MCTP1: variants seen among roughly 807,000 people sequenced by gnomAD.
MCTP1 encodes multiple C2 and transmembrane domain containing 1, also known as multiple C2 and transmembrane domain-containing protein 1.
Under a neutral mutation model 120.6 loss-of-function variants are expected in MCTP1, and 69 were observed. The observed-to-expected ratio is 0.57, with a 90% CI of 0.47 to 0.70. MCTP1 has a LOEUF of 0.70. Among genes scored for constraint, MCTP1 ranks in the 30% least tolerant of loss-of-function variants. MCTP1 has a pLI of 0.00. For missense variants in MCTP1, 1,203 were observed against 1,248.8 expected, an observed-to-expected ratio of 0.96 and a Z score of 0.55; for synonymous variants, 529 against 493.1, an observed-to-expected ratio of 1.07 and a Z score of -0.96.
intron 2 of MCTP1, among the ~76,000 whole-genome samples, chr5:94,966,319 A>C (rs1298857516): frequency 6.6e-6 from 1 of 152,172 alleles, no homozygotes; most frequent in Non-Finnish European, 1.5e-5. Context: ...TACTGTGTGA[A>C]AGTATTAAGC....
At chr5:95,130,280 C>T (rs1582316091) in intron 1 of MCTP1, among the ~76,000 whole-genome samples, 1 of 152,156 alleles carries the variant, frequency 6.6e-6, no homozygotes, top group African/African-American at 2.4e-5. Context: ...AAACGTGTCT[C>T]CTATCTCCTA....
intron 17 of MCTP1, chr5:94,826,119 T>C: frequency 2.9e-6 from 1 of 347,840 alleles, no homozygotes; most frequent in South Asian, 3.1e-5. Flanking sequence ...ACAGTACAGA[T>C]CTCATGAATC....
At chr5:95,111,254 A>G (rs1314692031) in intron 1 of MCTP1, among the ~76,000 whole-genome samples, 1 of 152,188 alleles carries the variant, frequency 6.6e-6, no homozygotes, top group African/African-American at 2.4e-5. Flanking sequence ...TTTGTAGTTT[A>G]TCATAACTAG....
chr5:94,924,472 CA>C (rs1257054095), intron 6 of MCTP1, among the ~76,000 whole-genome samples: 2 of 152,032 alleles, frequency 1.3e-5, no homozygotes, highest in Non-Finnish European at 2.9e-5. Context: ...TACATTTCTA[CA>C]AAAAATTCCA....
intron 12 of MCTP1, chr5:94,877,680 G>A (rs1488728316): frequency 1.3e-5 from 2 of 152,064 alleles, no homozygotes; most frequent in African/African-American, 4.8e-5. Flanking sequence ...TCACGACACT[G>A]ACATATTGAT....
chr5:95,172,033 T>C (rs563573152), intron 1 of MCTP1, among the ~76,000 whole-genome samples: 126 of 152,356 alleles, frequency 8.3e-4, no homozygotes, highest in Admixed American at 1.3e-3. Flanking sequence ...TCCCCATCTT[T>C]GTAGTTTTAT....
At chr5:95,236,778 T>A (rs1297121088) in intron 1 of MCTP1, among the ~76,000 whole-genome samples, 1 of 152,124 alleles carries the variant, frequency 6.6e-6, no homozygotes, top group Non-Finnish European at 1.5e-5. Flanking sequence ...GAACCCAGGA[T>A]AATCAGAACT....
At chr5:94,776,392 T>C (rs970501367) in intron 19 of MCTP1, among the ~76,000 whole-genome samples, 27 of 152,122 alleles carry the variant, frequency 1.8e-4, no homozygotes, top group Non-Finnish European at 2.6e-4. Flanking sequence ...GCCAGGGGTC[T>C]TGGCAGAATG....
Position 94,740,603 on chromosome 5 carries a change from G to A in MCTP1, c.2611-25717C>T, listed in dbSNP as rs188336771. On this transcript the variant is annotated intron_variant, in intron 19 of 22. Coordinates refer to ENST00000515393, the MANE Select transcript of MCTP1 (RefSeq NM_024717.7). ...CTGTTGGATTTCATAATTTTAATAT[G>A]AATAGAGACATTATTCCCAATACCT... Among the ~76,000 whole-genome samples the A allele has an allele frequency of 2.5e-4, 38 of 152,292 alleles. No individual in the cohort carries two copies. In the East Asian group the frequency reaches 5.6e-3, roughly 22 times the overall value.
Position 95,005,432 on chromosome 5 carries a change from C to T in MCTP1, c.838+11935G>A, listed in dbSNP as rs537354813. 2.0e-4 allele frequency among the ~76,000 whole-genome samples: 30 copies of T among 152,062 alleles called. 1 individual carries two copies. In the South Asian group the frequency reaches 3.3e-3, roughly 17 times the overall value. ...GAAGGACATGAGATTTGGGAGGGGC[C>T]AGGGGGTGGAATATTATGGTTTGGC... On this transcript the variant is annotated intron_variant, in intron 2 of 22. Coordinates refer to ENST00000515393, the MANE Select transcript of MCTP1 (RefSeq NM_024717.7).
At chr5:95,124,034 A>G (rs1363271697) in intron 1 of MCTP1, among the ~76,000 whole-genome samples, 2 of 152,204 alleles carry the variant, frequency 1.3e-5, no homozygotes, top group African/African-American at 4.8e-5. Flanking sequence ...CTAAATGCCT[A>G]AAGTGGTCCT....
intron 1 of MCTP1, among the ~76,000 whole-genome samples, chr5:95,200,933 T>A (rs1012441634): frequency 2.7e-5 from 4 of 149,836 alleles, no homozygotes; most frequent in Non-Finnish European, 4.5e-5. Context: ...TTGTCAGAGA[T>A]AAACAAAACA....
intron 2 of MCTP1, among the ~76,000 whole-genome samples, chr5:95,011,823 G>A (rs1310259550): frequency 1.3e-5 from 2 of 152,008 alleles, no homozygotes; most frequent in Non-Finnish European, 2.9e-5. Context: ...TTTATTTTTT[G>A]CTGAAATTGT....
intron 2 of MCTP1, among the ~76,000 whole-genome samples, chr5:95,003,577 A>G (rs1199112488): frequency 1.3e-5 from 2 of 152,204 alleles, no homozygotes; most frequent in African/African-American, 2.4e-5. Context: ...TTGGGTGTCA[A>G]TGAGTGATAT....
chr5:94,799,622 A>T (rs1284376885), intron 17 of MCTP1, among the ~76,000 whole-genome samples: 4 of 152,174 alleles, frequency 2.6e-5, no homozygotes, highest in Admixed American at 1.3e-4. Context: ...AGCCCCAAAG[A>T]TTTCACAATA....
intron 1 of MCTP1, among the ~76,000 whole-genome samples, chr5:95,240,755 A>C (rs927803262): frequency 9.2e-5 from 14 of 152,160 alleles, no homozygotes; most frequent in African/African-American, 3.1e-4. Flanking sequence ...CTGAAGTCTT[A>C]GCAGTGTGCC....
intron 6 of MCTP1, among the ~76,000 whole-genome samples, chr5:94,928,243 C>CACAT (rs56688551): frequency 6.7e-6 from 1 of 148,236 alleles, no homozygotes; most frequent in African/African-American, 2.5e-5. Flanking sequence ...CACACACACA[C>CACAT]GATGTAATGT....
chr5:95,061,407 GGTTTTTTTTTTTTTTTTT>G (rs1749066405), intron 1 of MCTP1, among the ~76,000 whole-genome samples: 1 of 67,858 alleles, frequency 1.5e-5, no homozygotes, highest in Non-Finnish European at 2.9e-5. Context: ...ACCCCTTAAG[GGTTTTTTTTTTTTTTTTT>G]TTTTTTTTTT....
At chr5:94,733,732 A>T (rs1213189213) in intron 19 of MCTP1, among the ~76,000 whole-genome samples, 6 of 152,150 alleles carry the variant, frequency 3.9e-5, no homozygotes, top group Non-Finnish European at 1.5e-5. Context: ...TTGGGAGGAC[A>T]AGGCAGGCAG....
Sources: allele counts gnomAD v4.1 joint callset (sites outside exome capture counted in the v4.1 genomes callset), GRCh38; gene constraint gnomAD v4.1.1; transcripts MANE v1.5; gene names NCBI Gene and HGNC (gene_info 2026-07-23, HGNC 2026-07-21).